The following PRIM2 variants were observed in gnomAD, a reference collection of about 807,000 sequenced individuals.
PRIM2 encodes the protein DNA primase subunit 2.
A neutral mutation model predicts 67.3 loss-of-function variants in PRIM2; 39 were observed. That is an observed-to-expected ratio of 0.58 (90% CI 0.45 to 0.76). The LOEUF (loss-of-function observed/expected upper bound fraction) is 0.76, where lower values mean the gene tolerates loss of function less well. PRIM2 is among the 30% of genes least tolerant of loss of function. The probability of loss-of-function intolerance (pLI) is 0.00; values close to 1 mark genes in which losing one functional copy is unlikely to be tolerated. For synonymous variants in PRIM2, 143 were observed against 198.7 expected, an observed-to-expected ratio of 0.72 and a Z score of 2.36; for missense variants, 398 against 598.7, an observed-to-expected ratio of 0.66 and a Z score of 3.50.
intron 7 of PRIM2, among the ~76,000 whole-genome samples, chr6:57,398,355 G>A (rs1770594668): frequency 6.6e-6 from 1 of 151,912 alleles, no homozygotes; most frequent in Admixed American, 6.6e-5. Flanking sequence ...TTGTATCTTT[G>A]CCCTCATTAG....
chr6:57,607,623 A>T (rs1776586936), intron 12 of PRIM2, among the ~76,000 whole-genome samples: 1 of 152,176 alleles, frequency 6.6e-6, no homozygotes, highest in African/African-American at 2.4e-5. Flanking sequence ...GGTAACTTAA[A>T]GGAAGTATAG....
Position 57,320,488 on chromosome 6 carries a change from C to G in PRIM2, c.186C>G (p.Ser62Arg), listed in dbSNP as rs1438195134. 6.2e-7 allele frequency: 1 copy of G among 1,607,280 alleles called. No homozygotes were observed. ...LLKSVENLGV[S>R]YVKGTEQYQS... ...AATCAGTTGAAAATCTTGGAGTGAG[C>G]TATGTGAAAGGAACTGAACAATACC... Residue 62 changes from serine (S) to arginine (R), a missense_variant, in exon 3 of 14, where the codon AGC (serine) becomes AGG (arginine). Ser to Arg is a moderately radical substitution (Grantham distance 110). Transcript: ENST00000615550.
intron 5 of PRIM2, among the ~76,000 whole-genome samples, chr6:57,350,123 A>G (rs1768812887): frequency 6.6e-6 from 1 of 152,182 alleles, no homozygotes; most frequent in East Asian, 1.9e-4. Flanking sequence ...GGAAGGATTA[A>G]GACTGATTGT....
intron 5 of PRIM2, among the ~76,000 whole-genome samples, chr6:57,347,259 G>C (rs7757178): frequency 0.13 from 19,201 of 151,872 alleles, 1,366 homozygotes; most frequent in African/African-American, 0.18. Flanking sequence ...TCCAGACTTG[G>C]ATGGGGTCCT....
chr6:57,509,222 G>A lies in PRIM2; in HGVS notation c.761+1768G>A, dbSNP rs1554347488. Reference sequence around the variant, plus strand: ...GTTACGAAGAAGTCGTAACCTTTGTGTAATTGTTTTGTTGGGTTGATCAAG... The same window carrying A: ...GTTACGAAGAAGTCGTAACCTTTGTATAATTGTTTTGTTGGGTTGATCAAG... On this transcript the variant is annotated intron_variant, in intron 8 of 13. Transcript: ENST00000615550. 2.0e-4 allele frequency among the ~76,000 whole-genome samples: 31 copies of A among 151,678 alleles called. No homozygotes were observed. The East Asian group carries it at 5.8e-3, about 28-fold the overall frequency.
chr6:57,507,068 T>C (rs1774265362), intron 7 of PRIM2, among the ~76,000 whole-genome samples: 1 of 152,150 alleles, frequency 6.6e-6, no homozygotes, highest in African/African-American at 2.4e-5. Context: ...TCCATTTTTA[T>C]TTACAAAGAT....
the PRIM2 span, among the ~76,000 whole-genome samples, chr6:57,234,685 A>G: frequency 1.3e-5 from 2 of 151,988 alleles, no homozygotes; most frequent in Non-Finnish European, 2.9e-5. Context: ...CACCATGCCC[A>G]GCTAATTTTT....
chr6:57,490,734 C>T (rs1320508966), intron 7 of PRIM2, among the ~76,000 whole-genome samples: 1 of 152,080 alleles, frequency 6.6e-6, no homozygotes, highest in Admixed American at 6.6e-5. Flanking sequence ...TGTTGAGGAC[C>T]TCTGAAGGCA....
the PRIM2 span, among the ~76,000 whole-genome samples, chr6:57,246,235 TGGTCTATGTTTCAAA>T: frequency 6.6e-6 from 1 of 152,246 alleles, no homozygotes; most frequent in Non-Finnish European, 1.5e-5. Flanking sequence ...TATGTTTCCT[TGGTCTATGTTTCAAA>T]GGTATCAACT....
the PRIM2 span, among the ~76,000 whole-genome samples, chr6:57,235,440 G>C: frequency 3.3e-5 from 5 of 150,766 alleles, no homozygotes; most frequent in Non-Finnish European, 7.4e-5. Context: ...CTCCAGCCTG[G>C]GCAACAAGAG....
upstream of PRIM2, among the ~76,000 whole-genome samples, chr6:57,316,958 G>C (rs909632595): frequency 6.6e-6 from 1 of 152,202 alleles, no homozygotes. Flanking sequence ...TCAGCTGCGC[G>C]CTTCCTCTGT....
At chr6:57,502,811 G>GT in intron 7 of PRIM2, among the ~76,000 whole-genome samples, 1 of 152,264 alleles carries the variant, frequency 6.6e-6, no homozygotes, top group East Asian at 1.9e-4. Flanking sequence ...CATAATTTGA[G>GT]TTTTGGACTG....
intron 7 of PRIM2, among the ~76,000 whole-genome samples, chr6:57,479,061 G>T (rs1773550480): frequency 6.6e-6 from 1 of 152,208 alleles, no homozygotes. Context: ...CAGGAGAGTT[G>T]CTTGAACCTG....
intron 7 of PRIM2, chr6:57,493,858 T>G (rs1333435027): frequency 1.3e-5 from 2 of 152,170 alleles, no homozygotes; most frequent in African/African-American, 2.4e-5. Context: ...TCCTAGGATG[T>G]GTAATGAAAC....
intron 7 of PRIM2, among the ~76,000 whole-genome samples, chr6:57,413,539 C>T (rs1469045072): frequency 2.0e-5 from 3 of 152,006 alleles, no homozygotes; most frequent in African/African-American, 7.2e-5. Flanking sequence ...AACTAATGGA[C>T]AACTCATAAC....
chr6:57,597,227 C>T (rs1271996719), intron 10 of PRIM2, among the ~76,000 whole-genome samples: 1 of 152,194 alleles, frequency 6.6e-6, no homozygotes, highest in South Asian at 2.1e-4. Flanking sequence ...GAAGCAATGT[C>T]TTCTGCCTTG....
At chr6:57,497,916 G>A (rs1774041574) in intron 7 of PRIM2, among the ~76,000 whole-genome samples, 1 of 152,148 alleles carries the variant, frequency 6.6e-6, no homozygotes, top group African/African-American at 2.4e-5. Context: ...CAGGAGCAAG[G>A]GGAAATGTAA....
intron 7 of PRIM2, among the ~76,000 whole-genome samples, chr6:57,502,507 T>G (rs1480788960): frequency 1.3e-5 from 2 of 152,236 alleles, no homozygotes; most frequent in Non-Finnish European, 1.5e-5. Flanking sequence ...CCGCGATTTT[T>G]TTACACGTGA....
At chr6:57,633,591 A>C (rs1237744150) in intron 13 of PRIM2, among the ~76,000 whole-genome samples, 2 of 152,212 alleles carry the variant, frequency 1.3e-5, no homozygotes, top group African/African-American at 2.4e-5. Context: ...GCCAATATCT[A>C]TGGAACCCTT....
Sources: gnomAD v4.1 joint callset for allele counts (sites outside exome capture counted in the v4.1 genomes callset) on GRCh38, gnomAD v4.1.1 for gene constraint, MANE v1.5 for transcripts, NCBI Gene and HGNC (gene_info 2026-07-23, HGNC 2026-07-21) for gene names.